Variants in CAMK1D observed in about 807,000 individuals in gnomAD.
CAMK1D encodes calcium/calmodulin dependent protein kinase ID.
A neutral mutation model predicts 47.7 loss-of-function variants in CAMK1D; 9 were observed. The ratio of observed to expected loss-of-function variants is 0.19; its 90% CI spans 0.11 to 0.33. The LOEUF (loss-of-function observed/expected upper bound fraction) is 0.33, where lower values mean the gene tolerates loss of function less well. Ranked by LOEUF, CAMK1D falls within the 10% of genes least tolerant of loss-of-function variation. The pLI, the probability that CAMK1D is intolerant of heterozygous loss-of-function variation, is 1.00. For missense variants in CAMK1D, 291 were observed against 488.7 expected (o/e 0.60, Z 3.81); for synonymous variants, 184 against 184.9 (o/e 0.99, Z 0.04).
At chr10:12,740,687 C>A (rs375695413) in intron 3 of CAMK1D, among the ~76,000 whole-genome samples, 50 of 152,284 alleles carry the variant, frequency 3.3e-4, no homozygotes, top group East Asian at 3.1e-3. Context: ...AGAGTTTGAA[C>A]AAGACACAAA....
intron 3 of CAMK1D, among the ~76,000 whole-genome samples, chr10:12,754,828 C>G (rs1188611149): frequency 2.0e-5 from 3 of 152,106 alleles, no homozygotes; most frequent in Non-Finnish European, 4.4e-5. Context: ...GGATTAGGGC[C>G]CATCCATATG....
At chr10:12,590,562 T>A (rs1435221460) in intron 2 of CAMK1D, among the ~76,000 whole-genome samples, 2 of 152,200 alleles carry the variant, frequency 1.3e-5, no homozygotes, top group Non-Finnish European at 2.9e-5. Context: ...CCTTAGCACC[T>A]AGGAGAGTAC....
chr10:12,564,382 A>G (rs1182082144), intron 2 of CAMK1D, among the ~76,000 whole-genome samples: 3 of 152,054 alleles, frequency 2.0e-5, no homozygotes, highest in Admixed American at 6.6e-5. Context: ...CATGATTCAT[A>G]TGGCAAATGA....
intron 10 of CAMK1D, 86 bp from the exon 11 acceptor site, chr10:12,828,683 C>T (rs1254315880): frequency 5.3e-6 from 5 of 940,070 alleles, no homozygotes; most frequent in Non-Finnish European, 8.3e-6. Context: ...CCACCATAAA[C>T]CCAGCCCCTC....
At chr10:12,552,599 G>A (rs1268455055) in intron 1 of CAMK1D, among the ~76,000 whole-genome samples, 2 of 152,204 alleles carry the variant, frequency 1.3e-5, no homozygotes, top group East Asian at 1.9e-4. Context: ...TTGTGGGAGC[G>A]TTCTTGTTGG....
At chr10:12,517,918 T>C (rs1835259688) in intron 1 of CAMK1D, among the ~76,000 whole-genome samples, 1 of 152,230 alleles carries the variant, frequency 6.6e-6, no homozygotes, top group Non-Finnish European at 1.5e-5. Flanking sequence ...AGTTGCAAAG[T>C]ATTTCCTTCT....
chr10:12,675,449 A>G (rs1045526641), intron 3 of CAMK1D, among the ~76,000 whole-genome samples: 22 of 152,302 alleles, frequency 1.4e-4, no homozygotes, highest in Admixed American at 7.2e-4. Context: ...TGGCAACTCC[A>G]TTCTTCCAGT....
At chr10:12,828,501 C>T (rs1323608020) in intron 10 of CAMK1D, among the ~76,000 whole-genome samples, 2 of 152,044 alleles carry the variant, frequency 1.3e-5, no homozygotes, top group African/African-American at 4.8e-5. Context: ...ATTAGCCCGG[C>T]GTGGTGGTGA....
chr10:12,624,241 C>T (rs1234465793), intron 2 of CAMK1D, among the ~76,000 whole-genome samples: 1 of 151,940 alleles, frequency 6.6e-6, no homozygotes, highest in Admixed American at 6.6e-5. Flanking sequence ...TTTTCTTATT[C>T]TAGTCTATTT....
At chr10:12,747,812 C>T (rs1054168543) in intron 3 of CAMK1D, among the ~76,000 whole-genome samples, 6 of 152,112 alleles carry the variant, frequency 3.9e-5, no homozygotes, top group Non-Finnish European at 7.4e-5. Context: ...CAGGAAAAAG[C>T]CAATGTCCCA....
At chr10:12,535,890 T>C (rs1564397447) in intron 1 of CAMK1D, among the ~76,000 whole-genome samples, 1 of 152,200 alleles carries the variant, frequency 6.6e-6, no homozygotes, top group African/African-American at 2.4e-5. Context: ...TGGTGTGTTA[T>C]CTGTGGTAAC....
intron 2 of CAMK1D, among the ~76,000 whole-genome samples, chr10:12,614,510 G>A (rs377340724): frequency 2.0e-5 from 3 of 152,156 alleles, no homozygotes; most frequent in Middle Eastern, 3.2e-3. Flanking sequence ...TGCTAAATAC[G>A]TATTCACTTT....
chr10:12,741,731 C>T (rs78700994), intron 3 of CAMK1D, among the ~76,000 whole-genome samples: 2,591 of 152,116 alleles, frequency 0.017, 81 homozygotes, highest in African/African-American at 0.058. Flanking sequence ...ACGCATCTGC[C>T]GGGAAGGGAG....
chr10:12,523,973 G>A (rs1835531969), intron 1 of CAMK1D, among the ~76,000 whole-genome samples: 1 of 151,884 alleles, frequency 6.6e-6, no homozygotes, highest in South Asian at 2.1e-4. Context: ...CTCACTGCAA[G>A]CTCTGCTTCC....
intron 6 of CAMK1D, among the ~76,000 whole-genome samples, chr10:12,794,675 A>T (rs1929387): frequency 0.53 from 79,841 of 151,686 alleles, 22,318 homozygotes; most frequent in African/African-American, 0.73. Flanking sequence ...ATTTCATGAC[A>T]CTGTCAGACT....
intron 4 of CAMK1D, among the ~76,000 whole-genome samples, chr10:12,768,916 C>T (rs1357758873): frequency 6.6e-6 from 1 of 152,194 alleles, no homozygotes; most frequent in Non-Finnish European, 1.5e-5. Flanking sequence ...CTCTCAGCCC[C>T]TCCTGTATGT....
At chr10:12,440,390 C>T (rs1256064575) in intron 1 of CAMK1D, among the ~76,000 whole-genome samples, 1 of 151,650 alleles carries the variant, frequency 6.6e-6, no homozygotes, top group Admixed American at 6.6e-5. Context: ...AGGCAGGAGG[C>T]AATTCTTCTG....
At position 12,835,120 on chromosome 10, in the gene CAMK1D, T is replaced by G. The variant is rs927332254; in HGVS notation, c.*6233T>G. The G allele has an allele frequency of 6.6e-6, 1 of 152,234 alleles. No individual in the cohort carries two copies. Among genetic ancestry groups the G allele is most frequent in the African/African-American group, 2.4e-5 (1 of 41,456 alleles). The allele number at this position is 152,234 out of a possible 1,614,324, so 9.4% of individuals were successfully genotyped here. ...AGTCCCACGTTCAGGTGAGAAGACC[T>G]CAAAGGTACCCTCTGTCCAGAATAA... On this transcript the variant is annotated 3_prime_UTR_variant, in exon 11 of 11. Coordinates refer to ENST00000619168, the MANE Select transcript of CAMK1D (RefSeq NM_153498.4).
intron 3 of CAMK1D, among the ~76,000 whole-genome samples, chr10:12,729,623 T>C (rs1318983363): frequency 1.3e-5 from 2 of 152,088 alleles, no homozygotes; most frequent in African/African-American, 4.8e-5. Flanking sequence ...AATGAGACCC[T>C]GTCTCAAAAA....
Sources: allele counts gnomAD v4.1 joint callset (sites outside exome capture counted in the v4.1 genomes callset), GRCh38; gene constraint gnomAD v4.1.1; transcripts MANE v1.5; gene names NCBI Gene and HGNC (gene_info 2026-07-23, HGNC 2026-07-21).